Variants in NSG2 observed in about 807,000 individuals in gnomAD.
NSG2 encodes neuronal vesicle trafficking-associated protein 2.
In NSG2, 4 loss-of-function variants were observed where a neutral mutation model predicts 16.9. That is an observed-to-expected ratio of 0.24 (90% CI 0.12 to 0.54). NSG2 has a LOEUF of 0.54. Among genes scored for constraint, NSG2 ranks in the 20% least tolerant of loss-of-function variants. The probability of loss-of-function intolerance (pLI) is 0.95; values close to 1 mark genes in which losing one functional copy is unlikely to be tolerated. For missense variants in NSG2, 179 were observed against 221.1 expected (o/e 0.81, Z 1.21); for synonymous variants, 98 against 88.7 (o/e 1.11, Z -0.59).
intron 3 of NSG2, among the ~76,000 whole-genome samples, chr5:174,098,527 C>G (rs1760843187): frequency 6.6e-6 from 1 of 152,110 alleles, no homozygotes; most frequent in Admixed American, 6.5e-5. Context: ...TCTGGGCGTC[C>G]TAGAATGCTG....
intron 3 of NSG2, among the ~76,000 whole-genome samples, chr5:174,091,603 T>G (rs945800819): frequency 6.6e-6 from 1 of 151,310 alleles, no homozygotes; most frequent in Non-Finnish European, 1.5e-5. Context: ...GTGGGAGGCA[T>G]GCCAGTAGCA....
At chr5:174,069,874 A>ATTT (rs1374503826) in intron 3 of NSG2, among the ~76,000 whole-genome samples, 7 of 113,266 alleles carry the variant, frequency 6.2e-5, no homozygotes, top group South Asian at 2.8e-4. Context: ...AAGGTAGGCC[A>ATTT]TTTTTTTTTT....
chr5:174,098,971 A>G (rs1231769638), intron 3 of NSG2, among the ~76,000 whole-genome samples: 2 of 152,230 alleles, frequency 1.3e-5, no homozygotes, highest in Non-Finnish European at 2.9e-5. Flanking sequence ...TGGAGGTTAT[A>G]TAAACCGAGT....
intron 2 of NSG2, among the ~76,000 whole-genome samples, chr5:174,053,380 G>A (rs1445769080): frequency 1.3e-5 from 2 of 152,156 alleles, no homozygotes. Flanking sequence ...TGAGAAGGAT[G>A]GGGTTTCACA....
At chr5:174,097,627 GTC>G (rs936397923) in intron 3 of NSG2, among the ~76,000 whole-genome samples, 7 of 149,226 alleles carry the variant, frequency 4.7e-5, no homozygotes, top group Admixed American at 6.6e-5. Context: ...CTCTGTGTGT[GTC>G]TCTGTGTGTG....
At chr5:174,102,786 A>G (rs529602457) in intron 3 of NSG2, among the ~76,000 whole-genome samples, 71 of 148,962 alleles carry the variant, frequency 4.8e-4, no homozygotes, top group African/African-American at 1.6e-3. Flanking sequence ...TTATTTATTT[A>G]TTTATTTATT....
chr5:174,057,318 C>T (rs1473599386), intron 2 of NSG2, among the ~76,000 whole-genome samples: 1 of 152,150 alleles, frequency 6.6e-6, no homozygotes, highest in African/African-American at 2.4e-5. Flanking sequence ...ATTTATTTTT[C>T]TCCTGTCTTG....
chr5:174,061,907 A>G (rs1033936772), intron 2 of NSG2, among the ~76,000 whole-genome samples: 1 of 135,494 alleles, frequency 7.4e-6, no homozygotes, highest in Non-Finnish European at 1.6e-5. Flanking sequence ...CGAGCCCCCA[A>G]ACTTTTTTTT....
intron 3 of NSG2, chr5:174,084,008 C>T (rs746617607): frequency 3.9e-5 from 6 of 152,098 alleles, no homozygotes; most frequent in South Asian, 4.1e-4. Context: ...ATATTATCGC[C>T]GACCCATTTC....
chr5:174,056,247 A>G (rs1759966245), intron 2 of NSG2: 2 of 147,728 alleles, frequency 1.4e-5, no homozygotes, highest in Non-Finnish European at 3.0e-5. Flanking sequence ...GCTCTCTGGG[A>G]CTCAGGCTCC....
intron 2 of NSG2, among the ~76,000 whole-genome samples, chr5:174,053,504 G>T (rs979240471): frequency 1.7e-4 from 26 of 152,084 alleles, no homozygotes; most frequent in African/African-American, 5.8e-4. Context: ...TGGGCTTTCC[G>T]CAGTGTTTCT....
At chr5:174,080,543 CTCTCTCTTTCTTTTCTTTCTTT>C (rs1760440036) in intron 3 of NSG2, among the ~76,000 whole-genome samples, 1 of 147,638 alleles carries the variant, frequency 6.8e-6, no homozygotes, top group Non-Finnish European at 1.5e-5. Context: ...CTCTCTCTCT[CTCTCTCTTTCTTTTCTTTCTTT>C]TCTTTCTTTT....
chr5:174,046,926 C>A, intron 2 of NSG2, 42 bp downstream of exon 2: 1 of 1,601,024 alleles, frequency 6.2e-7, no homozygotes, highest in Non-Finnish European at 8.5e-7. Context: ...CCAGGCTCCC[C>A]CCATCTCAGG....
chr5:174,074,682 C>T (rs753970915), intron 3 of NSG2, among the ~76,000 whole-genome samples: 13 of 152,080 alleles, frequency 8.5e-5, no homozygotes, highest in Non-Finnish European at 1.5e-4. Context: ...CTGCTGATTC[C>T]TGTCCCTCTG....
chr5:174,102,754 TTTTATTTA>T (rs1176455020), intron 3 of NSG2, among the ~76,000 whole-genome samples: 332 of 90,842 alleles, frequency 3.7e-3, no homozygotes, highest in African/African-American at 8.4e-3. Context: ...GCTTTGTTTT[TTTTATTTA>T]TTTATTTATT....
chr5:174,104,359 C>T, intron 4 of NSG2, 21 bp downstream of exon 4: 1 of 1,517,768 alleles, frequency 6.6e-7, no homozygotes, highest in African/African-American at 1.4e-5. Context: ...GTTGAGTAGT[C>T]CCAGGTCACT....
At chr5:174,098,502 C>T (rs904855936) in intron 3 of NSG2, among the ~76,000 whole-genome samples, 1 of 152,180 alleles carries the variant, frequency 6.6e-6, no homozygotes, top group African/African-American at 2.4e-5. Flanking sequence ...TCGAGCTCCT[C>T]TTCCTTGTAG....
rs894502407 is a variant in NSG2, at chr5:174,081,050, T to C, written c.213+16735T>C. Among the ~76,000 whole-genome samples the C allele has an allele frequency of 2.0e-5, 3 of 152,216 alleles. No homozygotes were observed. The South Asian group carries it at 6.2e-4, about 32-fold the overall frequency. On this transcript the variant is annotated intron_variant, in intron 3 of 4. Transcript: ENST00000303177. ...CTTTTGTTGTTTTTTAACTGGGTAT[T>C]ATTTATACTTAATAAAAATGCTTTT...
At chr5:174,090,577 GGGCCA>G (rs1378060924) in intron 3 of NSG2, among the ~76,000 whole-genome samples, 3 of 152,194 alleles carry the variant, frequency 2.0e-5, no homozygotes, top group African/African-American at 4.8e-5. Context: ...ACCAGCCAAG[GGGCCA>G]GTCTTGCATG....
Sources: gnomAD v4.1 joint callset for allele counts (sites outside exome capture counted in the v4.1 genomes callset) on GRCh38, gnomAD v4.1.1 for gene constraint, MANE v1.5 for transcripts, NCBI Gene and HGNC (gene_info 2026-07-23, HGNC 2026-07-21) for gene names.